The following CCPG1 variants were observed in gnomAD, a reference collection of about 807,000 sequenced individuals.
CCPG1 encodes cell cycle progression protein 1.
Under a neutral mutation model 81.3 loss-of-function variants are expected in CCPG1, and 46 were observed. The ratio of observed to expected loss-of-function variants is 0.57; its 90% confidence interval spans 0.45 to 0.72. The LOEUF is 0.72. Ranked by LOEUF, CCPG1 falls within the 30% of genes least tolerant of loss-of-function variation. The probability of loss-of-function intolerance (pLI) is 0.00; values close to 1 mark genes in which losing one functional copy is unlikely to be tolerated. For synonymous variants in CCPG1, 330 were observed against 305.2 expected (o/e 1.08, Z -0.85); for missense variants, 902 against 937.6 (o/e 0.96, Z 0.50).
Position 55,359,624 on chromosome 15 carries a change from C to T in CCPG1, c.2149G>A (p.Asp717Asn). ...YLRNMKEYEV[D>N]NDGVFEKLDE... Reference sequence around the variant, plus strand: ...AACTTCTCAAATACTCCATCATTATCTACTTCATATTCCTTCATGTTTCTA... The same window carrying T: ...AACTTCTCAAATACTCCATCATTATTTACTTCATATTCCTTCATGTTTCTA... The change falls in exon 8 of 9, where the codon GAT (aspartate) becomes AAT (asparagine). Residue 717 changes from aspartate to asparagine, a missense_variant. Coordinates refer to ENST00000442196, the MANE Select transcript of CCPG1 (RefSeq NM_001204450.2). The T allele has an allele frequency of 1.9e-6, 3 of 1,613,104 alleles. No homozygotes were observed. Among genetic ancestry groups the T allele is most frequent in the Non-Finnish European group, 2.5e-6 (3 of 1,179,582 alleles).
intron 5 of CCPG1, chr15:55,374,022 C>T (rs2056507187): frequency 8.2e-6 from 3 of 366,178 alleles, no homozygotes; most frequent in South Asian, 7.7e-5. Flanking sequence ...TGGCCAGCTC[C>T]TTTACAAGAG....
chr15:55,391,872 TAA>T (rs35532067), intron 1 of CCPG1, among the ~76,000 whole-genome samples: 37 of 63,196 alleles, frequency 5.9e-4, no homozygotes, highest in African/African-American at 1.6e-3. Context: ...CTTGACTCTT[TAA>T]AAAAAAAAAA....
At chr15:55,381,167 G>A (rs1159878421) in intron 3 of CCPG1, among the ~76,000 whole-genome samples, 5 of 150,560 alleles carry the variant, frequency 3.3e-5, no homozygotes, top group Non-Finnish European at 7.4e-5. Flanking sequence ...CGGGCACAGT[G>A]GCTCATGCTT....
chr15:55,406,006 A>G (rs2057211417), intron 1 of CCPG1, among the ~76,000 whole-genome samples: 1 of 152,152 alleles, frequency 6.6e-6, no homozygotes, highest in South Asian at 2.1e-4. Context: ...CTGAGATAAC[A>G]GGCATCCGCC....
At chr15:55,396,052 C>T (rs1234223825) in intron 1 of CCPG1, among the ~76,000 whole-genome samples, 8 of 151,516 alleles carry the variant, frequency 5.3e-5, no homozygotes, top group Non-Finnish European at 5.9e-5. Context: ...TACTCAGGAG[C>T]CTGAGTCAGG....
chr15:55,361,415 G>A (rs2056192510), intron 7 of CCPG1, among the ~76,000 whole-genome samples: 1 of 151,584 alleles, frequency 6.6e-6, no homozygotes, highest in African/African-American at 2.4e-5. Context: ...TTTATAAAAG[G>A]TAAAATTATT....
intron 8 of CCPG1, chr15:55,357,928 C>T (rs2056115525): frequency 6.6e-6 from 1 of 152,228 alleles, no homozygotes; most frequent in Non-Finnish European, 1.5e-5. Flanking sequence ...TGCAGTTCTG[C>T]TCCATCCCAC....
chr15:55,406,415 ATTTCTTTTC>A (rs1308169675), intron 1 of CCPG1, among the ~76,000 whole-genome samples: 1 of 114,302 alleles, frequency 8.7e-6, no homozygotes, highest in Non-Finnish European at 2.0e-5. Flanking sequence ...AATATCCTTT[ATTTCTTTTC>A]TTTCTTTTTC....
intron 5 of CCPG1, among the ~76,000 whole-genome samples, chr15:55,374,597 C>T (rs1051530896): frequency 6.6e-6 from 1 of 152,088 alleles, no homozygotes; most frequent in African/African-American, 2.4e-5. Flanking sequence ...ATGGCTAGCA[C>T]AAAATTAACA....
rs1270316372 is a variant in CCPG1, at chr15:55,355,323, G to A, written c.*897C>T. ...TTCCTAATTTCAAGCAATTATAAAAGAACTGCTGTTTTCTTCCACACTCAC... is the reference window on the plus strand; with the variant it reads ...TTCCTAATTTCAAGCAATTATAAAAAAACTGCTGTTTTCTTCCACACTCAC... On this transcript the variant is annotated 3_prime_UTR_variant, in exon 9 of 9. Transcript: ENST00000442196. The A allele has an allele frequency of 1.2e-6, 2 of 1,610,766 alleles. No individual in the cohort carries two copies. Among genetic ancestry groups the A allele is most frequent in the Non-Finnish European group, 8.5e-7 (1 of 1,177,478 alleles).
chr15:55,357,422 C>T, intron 8 of CCPG1: 1 of 985,470 alleles, frequency 1.0e-6, no homozygotes, highest in South Asian at 4.7e-5. Context: ...TCATACCTTT[C>T]CCATCAATCC....
intron 1 of CCPG1, among the ~76,000 whole-genome samples, chr15:55,394,827 G>C (rs79562264): frequency 0.03 from 4,480 of 151,492 alleles, 99 homozygotes; most frequent in South Asian, 0.064. Flanking sequence ...TTACTTAACA[G>C]ATCACTGCAA....
intron 7 of CCPG1, 91 bp from the exon 8 acceptor site, chr15:55,361,035 T>C: frequency 7.4e-7 from 1 of 1,345,512 alleles, no homozygotes; most frequent in Non-Finnish European, 9.7e-7. Flanking sequence ...CATAAGCTTT[T>C]GTGTCTTTAC....
chr15:55,377,335 C>T (rs1031678701), intron 4 of CCPG1, among the ~76,000 whole-genome samples, 185 bp from the exon 5 acceptor site: 2 of 152,144 alleles, frequency 1.3e-5, no homozygotes, highest in East Asian at 3.8e-4. Context: ...CCATCAGATC[C>T]CTTGACAACT....
At chr15:55,388,518 T>A (rs935058013) in intron 2 of CCPG1, among the ~76,000 whole-genome samples, 1 of 152,224 alleles carries the variant, frequency 6.6e-6, no homozygotes, top group Non-Finnish European at 1.5e-5. Context: ...CTGCATAATC[T>A]TGACCAAATT....
At chr15:55,405,077 T>G (rs1471702778) in intron 1 of CCPG1, among the ~76,000 whole-genome samples, 2 of 151,696 alleles carry the variant, frequency 1.3e-5, no homozygotes, top group African/African-American at 2.4e-5. Context: ...ATACAAAAAT[T>G]AGGTCAGGGG....
chr15:55,370,642 C>T (rs1447227152), intron 6 of CCPG1, among the ~76,000 whole-genome samples: 1 of 152,022 alleles, frequency 6.6e-6, no homozygotes, highest in East Asian at 1.9e-4. Context: ...TTTGGGAGGC[C>T]GAGGCGGGTG....
intron 5 of CCPG1, 63 bp downstream of exon 5, chr15:55,376,886 A>T: frequency 8.2e-7 from 1 of 1,221,652 alleles, no homozygotes; most frequent in South Asian, 1.3e-5. Context: ...AGGGGTAGAA[A>T]ACAAGCCTTT....
rs753659669 is a variant in CCPG1 at position 55,360,183 on chromosome 15, T to C, written c.1590A>G (p.Lys530=). 124 of 1,613,336 alleles carry C rather than the reference T, an allele frequency of 7.7e-5. No individual in the cohort carries two copies. The highest frequency in any genetic ancestry group is 1.0e-4 in the Non-Finnish European group (123 of 1,179,844). The part of the protein sequence containing the change: ...ENLKKFSDSV[K]STFRHFKDTT... ...TATCTTTAAAGTGTCTGAAAGTGGA[T>C]TTAACTGAATCTGAGAATTTTTTCA... The change falls in exon 8 of 9, where the codon AAA becomes AAG. Residue 530 remains lysine, a synonymous_variant. Transcript: ENST00000442196.
Sources: allele counts gnomAD v4.1 joint callset (sites outside exome capture counted in the v4.1 genomes callset), GRCh38; gene constraint gnomAD v4.1.1; transcripts MANE v1.5; gene names NCBI Gene and HGNC (gene_info 2026-07-23, HGNC 2026-07-21).